The following CDCP1 variants were observed in gnomAD, a reference collection of about 807,000 sequenced individuals.
CDCP1 encodes CUB domain containing protein 1.
In CDCP1, 29 loss-of-function variants were observed where a neutral mutation model predicts 60.2. That is an observed-to-expected ratio of 0.48 (90% confidence interval 0.36 to 0.66). CDCP1 has a LOEUF of 0.66. Ranked by LOEUF, CDCP1 falls within the 30% of genes least tolerant of loss-of-function variation. The probability of loss-of-function intolerance (pLI) is 0.00; values close to 1 mark genes in which losing one functional copy is unlikely to be tolerated. For missense variants in CDCP1, 876 were observed against 1,074.3 expected (o/e 0.82, Z 2.58); for synonymous variants, 387 against 431.1 (o/e 0.90, Z 1.27).
At chr3:45,108,121 C>A (rs1235487950) in intron 4 of CDCP1, among the ~76,000 whole-genome samples, 3 of 150,246 alleles carry the variant, frequency 2.0e-5, no homozygotes, top group African/African-American at 7.4e-5. Flanking sequence ...CAAGACTCTG[C>A]CTAAAAAAAA....
At chr3:45,132,406 G>A (rs1699115577) in intron 1 of CDCP1, among the ~76,000 whole-genome samples, 1 of 152,138 alleles carries the variant, frequency 6.6e-6, no homozygotes, top group Non-Finnish European at 1.5e-5. Flanking sequence ...CACTAGAGAC[G>A]GGGTGGGGTG....
intron 4 of CDCP1, among the ~76,000 whole-genome samples, chr3:45,104,979 C>T (rs916334641): frequency 1.3e-5 from 2 of 152,164 alleles, no homozygotes; most frequent in African/African-American, 2.4e-5. Context: ...ACCCAGGAGG[C>T]GGAGGTTGCG....
intron 6 of CDCP1, among the ~76,000 whole-genome samples, chr3:45,092,991 C>T (rs1698321883): frequency 6.6e-6 from 1 of 152,208 alleles, no homozygotes; most frequent in Non-Finnish European, 1.5e-5. Context: ...TTACGTCCTG[C>T]CTGCTTCCAA....
chr3:45,132,009 G>A (rs1458710513), intron 1 of CDCP1, among the ~76,000 whole-genome samples: 1 of 152,126 alleles, frequency 6.6e-6, no homozygotes, highest in Non-Finnish European at 1.5e-5. Flanking sequence ...CAGGGCAGGC[G>A]GATCATCTGA....
chr3:45,140,553 C>A (rs898804500), intron 1 of CDCP1, among the ~76,000 whole-genome samples: 3 of 152,192 alleles, frequency 2.0e-5, no homozygotes, highest in Non-Finnish European at 4.4e-5. Flanking sequence ...TGGAGTCATA[C>A]TCCTGGGGCT....
chr3:45,132,298 T>C (rs1163926218), intron 1 of CDCP1, among the ~76,000 whole-genome samples: 1 of 152,046 alleles, frequency 6.6e-6, no homozygotes, highest in Non-Finnish European at 1.5e-5. Context: ...AGCCATGAGC[T>C]GCTTAAACTA....
At chr3:45,136,014 C>G (rs4683056) in intron 1 of CDCP1, among the ~76,000 whole-genome samples, 150,777 of 152,304 alleles carry the variant, frequency 0.99, 74,646 homozygotes, top group Middle Eastern at 1. Flanking sequence ...ATGTTTCAAT[C>G]CCTTCCAGAT....
At chr3:45,135,787 C>T (rs1699182208) in intron 1 of CDCP1, among the ~76,000 whole-genome samples, 1 of 152,288 alleles carries the variant, frequency 6.6e-6, no homozygotes, top group Non-Finnish European at 1.5e-5. Context: ...CCTGTAGAAG[C>T]TTATACTGCA....
intron 1 of CDCP1, among the ~76,000 whole-genome samples, chr3:45,143,139 G>A (rs1699322963): frequency 6.6e-6 from 1 of 152,180 alleles, no homozygotes; most frequent in African/African-American, 2.4e-5. Flanking sequence ...GGGAGACGGA[G>A]GTTGCAGTGA....
chr3:45,096,502 G>A (rs1431314527), intron 4 of CDCP1, among the ~76,000 whole-genome samples: 1 of 151,450 alleles, frequency 6.6e-6, no homozygotes, highest in African/African-American at 2.4e-5. Context: ...GTACATGCCT[G>A]TAATCCCAGC....
chr3:45,126,110 C>CTTTA (rs1491258945), intron 1 of CDCP1, among the ~76,000 whole-genome samples: 1 of 71,666 alleles, frequency 1.4e-5, no homozygotes, highest in East Asian at 3.5e-4. Flanking sequence ...GTCTCTCTCT[C>CTTTA]TTTCTTTCTT....
chr3:45,135,297 G>GAAA (rs66585079), intron 1 of CDCP1, among the ~76,000 whole-genome samples: 3 of 139,178 alleles, frequency 2.2e-5, no homozygotes, highest in Non-Finnish European at 3.1e-5. Flanking sequence ...TGGGTGGATA[G>GAAA]AAAAAAAAAA....
intron 4 of CDCP1, among the ~76,000 whole-genome samples, chr3:45,103,811 G>A (rs964194330): frequency 1.3e-5 from 2 of 152,238 alleles, no homozygotes; most frequent in African/African-American, 4.8e-5. Flanking sequence ...CAGAAGCTGA[G>A]CAGATGCTGG....
At chr3:45,101,712 C>A (rs929551931) in intron 4 of CDCP1, among the ~76,000 whole-genome samples, 27 of 152,012 alleles carry the variant, frequency 1.8e-4, no homozygotes, top group Admixed American at 1.4e-3. Context: ...CATGGTGAAA[C>A]CCCATCTCTA....
intron 3 of CDCP1, among the ~76,000 whole-genome samples, chr3:45,111,072 G>C (rs558760776): frequency 2.0e-5 from 3 of 152,304 alleles, no homozygotes; most frequent in African/African-American, 7.2e-5. Context: ...GGAGAGCCCT[G>C]ACTTATAGCG....
At chr3:45,110,981 T>C (rs1253517822) in intron 3 of CDCP1, 140 bp from the exon 4 acceptor site, 21 of 956,210 alleles carry the variant, frequency 2.2e-5, no homozygotes, top group Non-Finnish European at 3.1e-5. Context: ...TACTGTATAT[T>C]TGGACTCAAG....
intron 4 of CDCP1, among the ~76,000 whole-genome samples, chr3:45,105,667 T>A (rs1001020121): frequency 6.6e-6 from 1 of 152,180 alleles, no homozygotes; most frequent in African/African-American, 2.4e-5. Flanking sequence ...TAAAGCCTTA[T>A]AGATGGGTAG....
chr3:45,137,242 A>G (rs543409773), intron 1 of CDCP1, among the ~76,000 whole-genome samples: 1 of 152,252 alleles, frequency 6.6e-6, no homozygotes, highest in Non-Finnish European at 1.5e-5. Context: ...TGCATGCCAT[A>G]TGTACTGTTC....
At chr3:45,141,825 G>C (rs910127167) in intron 1 of CDCP1, among the ~76,000 whole-genome samples, 1 of 150,368 alleles carries the variant, frequency 6.7e-6, no homozygotes, top group African/African-American at 2.5e-5. Flanking sequence ...GATAATTAAG[G>C]GGTATAAACT....
Sources: gnomAD v4.1 joint callset for allele counts (sites outside exome capture counted in the v4.1 genomes callset) on GRCh38, gnomAD v4.1.1 for gene constraint, MANE v1.5 for transcripts, NCBI Gene and HGNC (gene_info 2026-07-23, HGNC 2026-07-21) for gene names.